The following TRPC4AP variants were observed in gnomAD, a reference collection of about 807,000 sequenced individuals.
The protein encoded by TRPC4AP is short transient receptor potential channel 4-associated protein.
A neutral mutation model predicts 99.0 loss-of-function variants in TRPC4AP; 45 were observed. The ratio of observed to expected loss-of-function variants is 0.45; its 90% CI spans 0.36 to 0.58. TRPC4AP has a LOEUF of 0.58. Ranked by LOEUF, TRPC4AP falls within the 20% of genes least tolerant of loss-of-function variation. TRPC4AP has a pLI of 0.00. For synonymous variants in TRPC4AP, 408 were observed against 385.8 expected (o/e 1.06, Z -0.67); for missense variants, 879 against 985.3 (o/e 0.89, Z 1.44).
At chr20:35,027,075 G>A (rs1021291428) in intron 8 of TRPC4AP, among the ~76,000 whole-genome samples, 1 of 152,014 alleles carries the variant, frequency 6.6e-6, no homozygotes, top group Admixed American at 6.6e-5. Context: ...CCTCCAATAC[G>A]ATGCTGAAGA....
chr20:35,009,937 CCT>C (rs1569081287), intron 12 of TRPC4AP, among the ~76,000 whole-genome samples: 2 of 152,240 alleles, frequency 1.3e-5, no homozygotes, highest in African/African-American at 4.8e-5. Context: ...TGGCAGGTGA[CCT>C]CTCTGAGGCT....
chr20:35,009,234 G>A (rs1208438790), intron 12 of TRPC4AP, among the ~76,000 whole-genome samples: 1 of 152,222 alleles, frequency 6.6e-6, no homozygotes, highest in Non-Finnish European at 1.5e-5. Context: ...ATGGGGGAAG[G>A]AAGACGGCCA....
At chr20:35,091,988 C>CT (rs2070303341) in intron 1 of TRPC4AP, among the ~76,000 whole-genome samples, 1 of 152,176 alleles carries the variant, frequency 6.6e-6, no homozygotes, top group African/African-American at 2.4e-5. Flanking sequence ...ACGCTCTACA[C>CT]TAGCAAACCA....
chr20:35,079,053 A>G (rs1460307266), intron 1 of TRPC4AP, among the ~76,000 whole-genome samples: 1 of 152,212 alleles, frequency 6.6e-6, no homozygotes, highest in Non-Finnish European at 1.5e-5. Context: ...GCGACAGACC[A>G]AAACTCTGTC....
chr20:35,003,897 G>A (rs556150413), intron 17 of TRPC4AP, among the ~76,000 whole-genome samples: 24 of 152,322 alleles, frequency 1.6e-4, no homozygotes, highest in Non-Finnish European at 2.4e-4. Context: ...CACTCCTTCC[G>A]GAAGGTCCGT....
At position 35,021,197 on chromosome 20, in the gene TRPC4AP, C is replaced by T; in HGVS notation, c.1211G>A (p.Arg404Gln). Reference sequence around the variant, plus strand: ...CGCTGGAGAGGGGCCCACCTGGTTTCGCTGACGCCCCATCAGCAGCACGCA... The same window carrying T: ...CGCTGGAGAGGGGCCCACCTGGTTTTGCTGACGCCCCATCAGCAGCACGCA... ...VLCVLLMGRQ[R>Q]NQVHRMIAEF... The change falls in exon 9 of 19, where the codon CGA (arginine) becomes CAA (glutamine). Residue 404 changes from arginine (R) to glutamine (Q), a missense_variant. Around this residue, in one of 3 missense-constraint regions of TRPC4AP, gnomAD observed 603 missense variants for 631.8 expected, o/e 0.95. Coordinates refer to ENST00000252015, the MANE Select transcript of TRPC4AP (RefSeq NM_015638.3). 1 of 1,611,482 alleles carries T rather than the reference C, an allele frequency of 6.2e-7. No individual in the cohort carries two copies. The highest frequency in any genetic ancestry group is 1.7e-5 in the Admixed American group (1 of 59,994).
At chr20:35,022,705 T>C (rs886113302) in intron 8 of TRPC4AP, among the ~76,000 whole-genome samples, 1 of 152,072 alleles carries the variant, frequency 6.6e-6, no homozygotes, top group African/African-American at 2.4e-5. Context: ...TGATACTCTT[T>C]AAAGTATCAA....
intron 1 of TRPC4AP, among the ~76,000 whole-genome samples, chr20:35,083,401 T>A (rs1325833054): frequency 2.6e-5 from 4 of 150,984 alleles, no homozygotes; most frequent in Admixed American, 2.6e-4. Context: ...AGAGTTTGAG[T>A]CTAGCCTGAC....
intron 5 of TRPC4AP, among the ~76,000 whole-genome samples, chr20:35,052,439 G>A (rs6087666): frequency 0.19 from 28,148 of 151,976 alleles, 2,695 homozygotes; most frequent in Middle Eastern, 0.34. Flanking sequence ...TCTAAATGAG[G>A]AGCTACAAAC....
At chr20:35,032,649 T>A (rs528690506) in intron 8 of TRPC4AP, among the ~76,000 whole-genome samples, 1 of 151,760 alleles carries the variant, frequency 6.6e-6, no homozygotes, top group East Asian at 2.0e-4. Context: ...ATTTTTTGTA[T>A]TTTTAGTAGA....
At chr20:35,047,403 G>C (rs1191218971) in intron 6 of TRPC4AP, among the ~76,000 whole-genome samples, 1 of 152,118 alleles carries the variant, frequency 6.6e-6, no homozygotes, top group Non-Finnish European at 1.5e-5. Flanking sequence ...TCTACCACTC[G>C]ATTATTTCAA....
At chr20:35,047,807 C>G (rs1003564563) in intron 6 of TRPC4AP, among the ~76,000 whole-genome samples, 7 of 152,210 alleles carry the variant, frequency 4.6e-5, no homozygotes, top group Admixed American at 1.3e-4. Flanking sequence ...CTAAGAATCA[C>G]TGTTCTAGGA....
chr20:35,035,131 T>G lies in TRPC4AP; in HGVS notation c.1043A>C (p.His348Pro). 7 of 1,613,754 alleles carry G rather than the reference T, an allele frequency of 4.3e-6. No individual in the cohort carries two copies. The highest frequency in any genetic ancestry group is 5.9e-6 in the Non-Finnish European group (7 of 1,179,788). The change falls in exon 8 of 19, where the codon CAC (histidine) becomes CCC (proline). Residue 348 changes from histidine (H) to proline (P), a missense_variant. His to Pro is a moderately conservative substitution (Grantham distance 77). This residue lies in a region of TRPC4AP where 603 missense variants were observed against 631.8 expected (regional missense o/e 0.95). Transcript: ENST00000252015. ...LMRVANEESE[H>P]NQASIVFPPP... The stretch of plus-strand genomic sequence containing the variant: ...GACCCATCCTTCCATACCTTGATTG[T>G]GCTCTGACTCCTCATTGGCCACTCG...
At chr20:35,086,573 G>GTATA (rs1440590409) in intron 1 of TRPC4AP, among the ~76,000 whole-genome samples, 633 of 41,540 alleles carry the variant, frequency 0.015, 64 homozygotes, top group Non-Finnish European at 0.026. Flanking sequence ...GTGTGTGTGT[G>GTATA]TGTATATATA....
chr20:35,086,525 ATGTGTGTGTGTGTGTGTGTGTGTGTGTG>A (rs1176461079), intron 1 of TRPC4AP, among the ~76,000 whole-genome samples: 37 of 69,226 alleles, frequency 5.3e-4, no homozygotes, highest in Admixed American at 1.4e-3. Context: ...GTGTGTATAT[ATGTGTGTGTGTGTGTGTGTGTGTGTGTG>A]TGTGTGTGTG....
chr20:35,092,581 C>A, intron 1 of TRPC4AP, 33 bp downstream of exon 1: 1 of 1,445,340 alleles, frequency 6.9e-7, no homozygotes, highest in Non-Finnish European at 9.0e-7. Flanking sequence ...GCCTGGTCCG[C>A]CCCGCCCCGC....
At chr20:35,075,354 G>A (rs917393698) in intron 2 of TRPC4AP, among the ~76,000 whole-genome samples, 3 of 152,166 alleles carry the variant, frequency 2.0e-5, no homozygotes, top group Admixed American at 1.3e-4. Context: ...TCCTAGCATC[G>A]AAGGTCTTTA....
At chr20:35,006,648 A>C in intron 14 of TRPC4AP, 73 bp from the exon 15 acceptor site, 1 of 1,561,588 alleles carries the variant, frequency 6.4e-7, no homozygotes, top group East Asian at 2.3e-5. Flanking sequence ...AGCTCAGACC[A>C]TGCATTGGCT....
intron 2 of TRPC4AP, among the ~76,000 whole-genome samples, chr20:35,069,958 C>A (rs1254348240): frequency 6.6e-6 from 1 of 151,922 alleles, no homozygotes; most frequent in African/African-American, 2.4e-5. Flanking sequence ...AAATAAAAAG[C>A]CTGACAGACT....
Sources: allele counts gnomAD v4.1 joint callset (sites outside exome capture counted in the v4.1 genomes callset), GRCh38; gene constraint gnomAD v4.1.1; regional missense constraint gnomAD v4.1.1; transcripts MANE v1.5; gene names NCBI Gene and HGNC (gene_info 2026-07-23, HGNC 2026-07-21).